CTNNA2: variants seen among roughly 807,000 people sequenced by gnomAD.
CTNNA2 encodes the protein catenin alpha-2.
Under a neutral mutation model 101.0 loss-of-function variants are expected in CTNNA2, and 42 were observed. The observed-to-expected ratio is 0.42, with a 90% CI of 0.32 to 0.54. CTNNA2 has a LOEUF of 0.54. CTNNA2 is among the 20% of genes least tolerant of loss of function. CTNNA2 has a pLI of 0.14. For missense variants in CTNNA2, 871 were observed against 1,223.1 expected, an observed-to-expected ratio of 0.71 and a Z score of 4.29; for synonymous variants, 450 against 456.4, an observed-to-expected ratio of 0.99 and a Z score of 0.18.
intron 2 of CTNNA2, among the ~76,000 whole-genome samples, chr2:79,203,035 T>C (rs1309083804): frequency 6.6e-6 from 1 of 152,200 alleles, no homozygotes; most frequent in East Asian, 1.9e-4. Context: ...CTTATCTTTC[T>C]TCCCTGCCAT....
intron 3 of CTNNA2, among the ~76,000 whole-genome samples, chr2:79,822,563 T>G (rs1678094388): frequency 6.6e-6 from 1 of 152,178 alleles, no homozygotes; most frequent in South Asian, 2.1e-4. Context: ...TGATTTCTAG[T>G]CTGCACCAAG....
intron 7 of CTNNA2, among the ~76,000 whole-genome samples, chr2:80,131,751 A>T (rs1311714072): frequency 6.6e-6 from 1 of 152,156 alleles, no homozygotes; most frequent in Non-Finnish European, 1.5e-5. Flanking sequence ...TAAATCCTCA[A>T]GAGCAGTCCT....
intron 9 of CTNNA2, among the ~76,000 whole-genome samples, chr2:80,533,901 C>T (rs560812628): frequency 4.6e-5 from 7 of 152,224 alleles, no homozygotes; most frequent in African/African-American, 1.4e-4. Flanking sequence ...TTCACATAAC[C>T]ACACATTATT....
In CTNNA2 at chr2:80,376,648, G is replaced by GAAAAGAA. The variant is rs1376218398; in HGVS notation, c.1057-16563_1057-16562insAAAAGAA. Among the ~76,000 whole-genome samples, 359 of 152,292 alleles carry GAAAAGAA rather than the reference G, an allele frequency of 2.4e-3. 2 individuals are homozygous for GAAAAGAA. Among genetic ancestry groups the GAAAAGAA allele is most frequent in the African/African-American group, 8.3e-3 (346 of 41,552 alleles). ...GTGGAGAGGACATTTAGAAAAGAAT[G>GAAAAGAA]TTTTTCTTGCTGTTCAGACCCAGCT... On this transcript the variant is annotated intron_variant, in intron 7 of 18. Coordinates refer to ENST00000402739, the MANE Select transcript of CTNNA2 (RefSeq NM_001282597.3).
intron 7 of CTNNA2, among the ~76,000 whole-genome samples, chr2:80,233,478 A>C (rs1394588608): frequency 6.6e-6 from 1 of 152,164 alleles, no homozygotes; most frequent in Admixed American, 6.6e-5. Context: ...CTGGAGAATA[A>C]CTGCCCTCTT....
At chr2:80,540,778 T>C (rs1691487234) in intron 9 of CTNNA2, among the ~76,000 whole-genome samples, 1 of 152,144 alleles carries the variant, frequency 6.6e-6, no homozygotes, top group Non-Finnish European at 1.5e-5. Context: ...CACTGCAAAC[T>C]GCGCTTCCCG....
At chr2:80,616,340 A>G (rs746182096) in intron 17 of CTNNA2, 5 of 151,754 alleles carry the variant, frequency 3.3e-5, no homozygotes, top group Middle Eastern at 3.4e-3. Context: ...TGCTATCCAC[A>G]TTTATTGGAG....
chr2:79,347,161 A>G (rs961696517), intron 3 of CTNNA2, among the ~76,000 whole-genome samples: 2 of 152,240 alleles, frequency 1.3e-5, no homozygotes, highest in Non-Finnish European at 2.9e-5. Context: ...TCAAGCAACC[A>G]TAAGAAAAAT....
chr2:79,569,243 T>A (rs1235371746), intron 1 of CTNNA2, among the ~76,000 whole-genome samples: 2 of 151,774 alleles, frequency 1.3e-5, no homozygotes, highest in Non-Finnish European at 2.9e-5. Context: ...ATGACAGGAG[T>A]CCTTGTGGGA....
At chr2:80,021,217 A>G (rs765447414) in intron 7 of CTNNA2, among the ~76,000 whole-genome samples, 1 of 151,798 alleles carries the variant, frequency 6.6e-6, no homozygotes, top group Non-Finnish European at 1.5e-5. Flanking sequence ...ACAAGGTTTC[A>G]TCATGTCACC....
At chr2:79,694,905 A>T (rs752966132) in intron 2 of CTNNA2, among the ~76,000 whole-genome samples, 1 of 151,956 alleles carries the variant, frequency 6.6e-6, no homozygotes, top group Non-Finnish European at 1.5e-5. Context: ...TCGGTGATTC[A>T]TGGCAAACTC....
chr2:80,482,749 A>AT (rs1321459580), intron 9 of CTNNA2, among the ~76,000 whole-genome samples: 1 of 152,190 alleles, frequency 6.6e-6, no homozygotes, highest in South Asian at 2.1e-4. Flanking sequence ...AAATCAGGAG[A>AT]TTTTTTACAT....
At chr2:79,829,482 A>G (rs997764170) in intron 3 of CTNNA2, among the ~76,000 whole-genome samples, 3 of 150,894 alleles carry the variant, frequency 2.0e-5, no homozygotes, top group Non-Finnish European at 2.9e-5. Context: ...AGGCAGGAGA[A>G]TCGCTTGATC....
intron 8 of CTNNA2, among the ~76,000 whole-genome samples, chr2:80,401,652 G>T (rs1320735421): frequency 6.6e-6 from 1 of 151,996 alleles, no homozygotes; most frequent in East Asian, 1.9e-4. Context: ...CCTCATCCCA[G>T]TCCCTCAGGT....
At chr2:80,187,722 G>T (rs1242086945) in intron 7 of CTNNA2, among the ~76,000 whole-genome samples, 3 of 152,076 alleles carry the variant, frequency 2.0e-5, no homozygotes, top group Non-Finnish European at 4.4e-5. Flanking sequence ...GGGGCAGATG[G>T]TTGGGAATGA....
rs2149532368 is a variant in CTNNA2 at position 80,500,807 on chromosome 2, T to C, written c.1291-44175T>C. 2.0e-5 allele frequency among the ~76,000 whole-genome samples: 3 copies of C among 152,320 alleles called. No individual in the cohort carries two copies. In the Middle Eastern group the frequency reaches 0.01, roughly 518 times the overall value. On this transcript the variant is annotated intron_variant, in intron 9 of 18. Coordinates refer to ENST00000402739, the MANE Select transcript of CTNNA2 (RefSeq NM_001282597.3). Reference sequence around the variant, plus strand: ...AGCCCTATAGACTTCAGGAACTTTGTTTTGCAATATACATTTTTATTTGTT... The same window carrying C: ...AGCCCTATAGACTTCAGGAACTTTGCTTTGCAATATACATTTTTATTTGTT...
intron 6 of CTNNA2, among the ~76,000 whole-genome samples, chr2:79,905,019 A>G (rs1433006323): frequency 2.0e-5 from 3 of 152,222 alleles, no homozygotes; most frequent in African/African-American, 4.8e-5. Flanking sequence ...ATGTGAGACT[A>G]GAGAGACTGT....
At chr2:80,414,964 C>A (rs1679912634) in intron 8 of CTNNA2, among the ~76,000 whole-genome samples, 1 of 152,092 alleles carries the variant, frequency 6.6e-6, no homozygotes. Flanking sequence ...CAGGAAATGG[C>A]AGTGGTACTG....
chr2:79,944,693 C>T (rs17018194), intron 7 of CTNNA2, among the ~76,000 whole-genome samples: 2,051 of 152,266 alleles, frequency 0.013, 53 homozygotes, highest in African/African-American at 0.047. Flanking sequence ...ATACCAACAT[C>T]TAAGCACATG....
Sources: gnomAD v4.1 joint callset for allele counts (sites outside exome capture counted in the v4.1 genomes callset) on GRCh38, gnomAD v4.1.1 for gene constraint, MANE v1.5 for transcripts, NCBI Gene and HGNC (gene_info 2026-07-23, HGNC 2026-07-21) for gene names.